The following NMNAT2 variants were observed in gnomAD, a reference collection of about 807,000 sequenced individuals.
NMNAT2 encodes nicotinamide nucleotide adenylyltransferase 2, also known as nicotinamide/nicotinic acid mononucleotide adenylyltransferase 2.
Under a neutral mutation model 41.6 loss-of-function variants are expected in NMNAT2, and 11 were observed. The observed-to-expected ratio is 0.26, with a 90% CI of 0.17 to 0.44. NMNAT2 has a LOEUF of 0.44. Among genes scored for constraint, NMNAT2 ranks in the 20% least tolerant of loss-of-function variants. The probability of loss-of-function intolerance (pLI) is 1.00; values close to 1 mark genes in which losing one functional copy is unlikely to be tolerated. For synonymous variants in NMNAT2, 148 were observed against 151.2 expected (o/e 0.98, Z 0.16); for missense variants, 288 against 407.7 (o/e 0.71, Z 2.53).
intron 1 of NMNAT2, among the ~76,000 whole-genome samples, chr1:183,321,075 C>A (rs1662347762): frequency 6.6e-6 from 1 of 152,180 alleles, no homozygotes; most frequent in African/African-American, 2.4e-5. Context: ...AAGAACAATA[C>A]TGCAAGATTT....
At chr1:183,320,578 G>A (rs956596511) in intron 1 of NMNAT2, among the ~76,000 whole-genome samples, 7 of 152,166 alleles carry the variant, frequency 4.6e-5, no homozygotes, top group African/African-American at 1.4e-4. Flanking sequence ...CTCCAGCCTG[G>A]GCGACAGAGC....
intron 3 of NMNAT2, among the ~76,000 whole-genome samples, chr1:183,291,964 C>G (rs1367039557): frequency 6.6e-6 from 1 of 152,142 alleles, no homozygotes; most frequent in African/African-American, 2.4e-5. Context: ...CTTCACTGCT[C>G]TCATTCCCGC....
rs184772253 is a variant in NMNAT2 at position 183,364,756 on chromosome 1, A to G, written c.85+53427T>C. ...TCCCAGGCTAGAGTGCAGTGGCACG[A>G]TCTTGGCTCACTGCAACCTCCACTT... On this transcript the variant is annotated intron_variant, in intron 1 of 10. Transcript: ENST00000287713. Among the ~76,000 whole-genome samples the G allele has an allele frequency of 3.9e-4, 59 of 151,780 alleles. 2 individuals carry two copies. The East Asian group carries it at 0.011, about 27-fold the overall frequency.
chr1:183,311,425 A>C (rs1271905307), intron 1 of NMNAT2, among the ~76,000 whole-genome samples: 2 of 152,142 alleles, frequency 1.3e-5, no homozygotes, highest in African/African-American at 2.4e-5. Flanking sequence ...TCTAGATTCA[A>C]AACAGTATTA....
Position 183,252,597 on chromosome 1 carries a change from A to G in NMNAT2, c.*44T>C. ...GAGGCAGGAGAGAAACAGGGGGCTG[A>G]CAAAGATGGAGGGGCCATTGTGTTG... On this transcript the variant is annotated 3_prime_UTR_variant, in exon 11 of 11. Transcript: ENST00000287713. 7.6e-7 allele frequency: 1 copy of G among 1,317,988 alleles called. No homozygotes were observed. The highest frequency in any genetic ancestry group is 1.2e-5 in the South Asian group (1 of 85,164). 81.6% of individuals were successfully genotyped at this position (1,317,988 alleles called of 1,614,324 possible).
chr1:183,346,034 G>C (rs1662922052), intron 1 of NMNAT2, among the ~76,000 whole-genome samples: 2 of 152,142 alleles, frequency 1.3e-5, no homozygotes, highest in African/African-American at 2.4e-5. Context: ...TGTGTTATAA[G>C]CAGCAGGAAA....
chr1:183,345,240 C>T (rs970028523), intron 1 of NMNAT2, among the ~76,000 whole-genome samples: 2 of 152,158 alleles, frequency 1.3e-5, no homozygotes, highest in Admixed American at 6.5e-5. Flanking sequence ...CCTTCTCCCC[C>T]ACTGTGGTTG....
intron 7 of NMNAT2, chr1:183,283,700 T>A (rs1661325860): frequency 2.3e-6 from 1 of 435,530 alleles, no homozygotes; most frequent in East Asian, 4.9e-5. Context: ...TCTTTCCAGC[T>A]GGTGCCAAAG....
chr1:183,299,418 T>G (rs1661789794), intron 1 of NMNAT2, among the ~76,000 whole-genome samples: 1 of 152,122 alleles, frequency 6.6e-6, no homozygotes, highest in Admixed American at 6.6e-5. Context: ...ATTATTGATA[T>G]GTGCAAGAAT....
chr1:183,375,764 C>A (rs1392902616), intron 1 of NMNAT2, among the ~76,000 whole-genome samples: 1 of 149,646 alleles, frequency 6.7e-6, no homozygotes, highest in Admixed American at 6.8e-5. Flanking sequence ...CTCCTCCCTC[C>A]AACTAAGTCC....
At chr1:183,329,619 C>A (rs891066603) in intron 1 of NMNAT2, among the ~76,000 whole-genome samples, 5 of 152,190 alleles carry the variant, frequency 3.3e-5, no homozygotes, top group African/African-American at 2.4e-5. Context: ...GCAGCCAGAG[C>A]CACACTGAGC....
chr1:183,302,131 T>C (rs1661870092), intron 1 of NMNAT2, among the ~76,000 whole-genome samples: 1 of 152,240 alleles, frequency 6.6e-6, no homozygotes. Flanking sequence ...CCCTGTGGCC[T>C]ACTAAACTGA....
intron 1 of NMNAT2, among the ~76,000 whole-genome samples, chr1:183,323,435 T>C (rs967076589): frequency 6.6e-6 from 1 of 152,220 alleles, no homozygotes; most frequent in Non-Finnish European, 1.5e-5. Context: ...GCCACCACCA[T>C]ACTTCAAGTG....
chr1:183,354,779 A>G (rs1663147411), intron 1 of NMNAT2, among the ~76,000 whole-genome samples: 1 of 152,078 alleles, frequency 6.6e-6, no homozygotes, highest in Non-Finnish European at 1.5e-5. Context: ...TCAGTTTTAT[A>G]TTCAAACAAT....
At chr1:183,260,095 T>G (rs1660619528) in intron 10 of NMNAT2, among the ~76,000 whole-genome samples, 1 of 152,204 alleles carries the variant, frequency 6.6e-6, no homozygotes, top group Non-Finnish European at 1.5e-5. Context: ...GAGTTTTATC[T>G]GGGCATGTGG....
intron 1 of NMNAT2, among the ~76,000 whole-genome samples, chr1:183,335,383 A>C (rs1327572774): frequency 2.6e-5 from 4 of 152,240 alleles, no homozygotes; most frequent in Non-Finnish European, 4.4e-5. Context: ...GGAAGGAAAT[A>C]GCCCTTCACT....
At chr1:183,254,439 T>C (rs1426216229) in intron 10 of NMNAT2, among the ~76,000 whole-genome samples, 2 of 150,274 alleles carry the variant, frequency 1.3e-5, no homozygotes, top group Non-Finnish European at 2.9e-5. Flanking sequence ...TGTTTGTTTG[T>C]TTGTTTGCTT....
intron 1 of NMNAT2, among the ~76,000 whole-genome samples, chr1:183,384,484 G>A (rs1412022439): frequency 6.6e-6 from 1 of 152,190 alleles, no homozygotes; most frequent in Non-Finnish European, 1.5e-5. Context: ...ACAGGCATGA[G>A]CCACTGAGCC....
chr1:183,252,831 A>G (rs1660427452), intron 10 of NMNAT2, 88 bp from the exon 11 acceptor site: 1 of 926,714 alleles, frequency 1.1e-6, no homozygotes, highest in Non-Finnish European at 1.8e-6. Context: ...CCAGCACCCC[A>G]TTTGTAGCCT....
Sources: gnomAD v4.1 joint callset for allele counts (sites outside exome capture counted in the v4.1 genomes callset) on GRCh38, gnomAD v4.1.1 for gene constraint, MANE v1.5 for transcripts, NCBI Gene and HGNC (gene_info 2026-07-23, HGNC 2026-07-21) for gene names.